The following ZNF561 variants were observed in gnomAD, a reference collection of about 807,000 sequenced individuals.
ZNF561 encodes zinc finger protein 561.
ZNF561 carries 16 observed loss-of-function variants against 16.7 expected under a neutral mutation model. The ratio of observed to expected loss-of-function variants is 0.96; its 90% confidence interval spans 0.65 to 1.45. The LOEUF (loss-of-function observed/expected upper bound fraction) is 1.45. Ranked by LOEUF, ZNF561 falls within the 40% of genes most tolerant of loss-of-function variation. The pLI is 0.00. For missense variants in ZNF561, 580 were observed against 578.0 expected, an observed-to-expected ratio of 1.00 and a Z score of -0.04; for synonymous variants, 190 against 192.1, an observed-to-expected ratio of 0.99 and a Z score of 0.09.
Position 9,621,179 on chromosome 19 carries a change from C to A in ZNF561, c.-144G>T, listed in dbSNP as rs557695189. ...GAACTCACCACAGCCTGGGCAGACT[C>A]CACCACCATAAAGGCGAAACCGCAC... is the stretch of plus-strand genomic sequence containing the variant. On this transcript the variant is annotated 5_prime_UTR_variant, in exon 1 of 6. The change creates a premature stop within an existing upstream ORF in the 5' untranslated region. Coordinates refer to ENST00000302851, the MANE Select transcript of ZNF561 (RefSeq NM_152289.3). The A allele has an allele frequency of 1.3e-5, 2 of 155,042 alleles. No individual in the cohort carries two copies. The highest frequency in any genetic ancestry group is 3.8e-4 in the East Asian group (2 of 5,196). 9.6% of individuals were successfully genotyped at this position (155,042 alleles called of 1,614,324 possible).
In ZNF561 at chr19:9,607,729, T is replaced by A. The variant is rs555721166; in HGVS notation, c.*2471A>T. The stretch of plus-strand genomic sequence containing the variant: ...TAACCTAACGACTAAAGTGGAAAAG[T>A]AAGAGTCATTATTTACAGATTATGT... On this transcript the variant is annotated 3_prime_UTR_variant, in exon 6 of 6. Transcript: ENST00000302851. 1.3e-5 allele frequency: 2 copies of A among 152,222 alleles called. No homozygotes were observed. Among genetic ancestry groups the A allele is most frequent in the East Asian group, 1.9e-4 (1 of 5,182 alleles). 9.4% of individuals were successfully genotyped at this position (152,222 alleles called of 1,614,324 possible). A position where few individuals can be genotyped will look rare whatever the true frequency, so the allele number is the denominator to read the frequency against.
intron 2 of ZNF561, chr19:9,619,052 C>G (rs1326691525): frequency 6.5e-6 from 1 of 154,212 alleles, no homozygotes; most frequent in South Asian, 2.0e-4. Context: ...GCACTCCAGC[C>G]TGGGAGACAG....
intron 3 of ZNF561, 103 bp downstream of exon 3, chr19:9,617,988 T>G: frequency 9.0e-7 from 1 of 1,115,262 alleles, no homozygotes; most frequent in South Asian, 1.4e-5. Flanking sequence ...TAAGGCTTCA[T>G]TTGCTCTAAG....
chr19:9,619,478 T>C lies in ZNF561; in HGVS notation c.-22A>G. On this transcript the variant is annotated 5_prime_UTR_variant, in exon 2 of 6. Coordinates refer to ENST00000302851, the MANE Select transcript of ZNF561 (RefSeq NM_152289.3). ...CCATTCTCTGAAGCTGATGGTGTGA[T>C]GATGTGCATCCCTTCCTTGATGCCA... 1 of 1,612,764 alleles carries C rather than the reference T, an allele frequency of 6.2e-7. No individual in the cohort carries two copies. Among genetic ancestry groups the C allele is most frequent in the Non-Finnish European group, 8.5e-7 (1 of 1,179,146 alleles).
intron 4 of ZNF561, among the ~76,000 whole-genome samples, chr19:9,615,751 CAA>C (rs1192652868): frequency 5.2e-4 from 44 of 85,334 alleles, no homozygotes; most frequent in East Asian, 1.2e-3. Context: ...ACTAAAAATA[CAA>C]AAAAAAAAAA....
chr19:9,619,239 G>A (rs886088334), intron 2 of ZNF561, 193 bp downstream of exon 2: 17 of 316,190 alleles, frequency 5.4e-5, no homozygotes, highest in East Asian at 1.7e-4. Context: ...CCTGGGTGAC[G>A]GAACAAGATT....
At chr19:9,616,527 C>A (rs1027070917) in intron 4 of ZNF561, among the ~76,000 whole-genome samples, 4 of 151,878 alleles carry the variant, frequency 2.6e-5, no homozygotes, top group African/African-American at 9.7e-5. Flanking sequence ...GTGATCTGCC[C>A]GCCTCGGCCT....
intron 5 of ZNF561, among the ~76,000 whole-genome samples, chr19:9,611,697 G>A (rs536860761): frequency 5.9e-5 from 9 of 151,988 alleles, no homozygotes; most frequent in South Asian, 2.1e-4. Flanking sequence ...TGCCTGCCTC[G>A]GCCTCCCAAA....
intron 5 of ZNF561, among the ~76,000 whole-genome samples, chr19:9,613,408 A>G (rs2144882282): frequency 6.6e-6 from 1 of 152,022 alleles, no homozygotes; most frequent in East Asian, 1.9e-4. Context: ...CTAACTTTGT[A>G]TTTTTAGTAG....
chr19:9,612,216 C>G (rs1018741911), intron 5 of ZNF561, among the ~76,000 whole-genome samples: 3 of 151,976 alleles, frequency 2.0e-5, no homozygotes, highest in African/African-American at 7.3e-5. Context: ...GGGTGAGCCA[C>G]CATGCCCCAC....
intron 4 of ZNF561, among the ~76,000 whole-genome samples, chr19:9,616,186 G>A (rs1056601899): frequency 1.3e-5 from 2 of 152,216 alleles, no homozygotes; most frequent in Non-Finnish European, 2.9e-5. Context: ...GACTGTCTCT[G>A]TTATTCCCCA....
chr19:9,618,269 A>T (rs2074595418), intron 2 of ZNF561, 90 bp from the exon 3 acceptor site: 2 of 1,254,584 alleles, frequency 1.6e-6, no homozygotes, highest in East Asian at 5.2e-5. Context: ...CTAGCTTGAA[A>T]TTCCGATATG....
chr19:9,621,067 G>A (rs1331103980), intron 1 of ZNF561, 95 bp downstream of exon 1: 5 of 152,558 alleles, frequency 3.3e-5, no homozygotes, highest in African/African-American at 7.2e-5. Flanking sequence ...AGCGAGTGAA[G>A]TGAAGCGGAT....
rs1365821452 is a variant in ZNF561, at chr19:9,609,951, G to C, written c.*249C>G. The C allele has an allele frequency of 1.1e-5, 4 of 377,720 alleles. No homozygotes were observed. The highest frequency in any genetic ancestry group is 8.1e-5 in the Admixed American group (2 of 24,810). 23.4% of individuals were successfully genotyped at this position (377,720 alleles called of 1,614,324 possible). ...CTCATACACAACTTGTTAATGCTAT[G>C]ATCTTAGGAATCTAATCACCAAGGT... On this transcript the variant is annotated 3_prime_UTR_variant, in exon 6 of 6. Coordinates refer to ENST00000302851, the MANE Select transcript of ZNF561 (RefSeq NM_152289.3).
In ZNF561 at chr19:9,610,239, C is replaced by T. The variant is rs2074420555; in HGVS notation, c.1422G>A (p.Glu474=). 6.2e-7 allele frequency: 1 copy of T among 1,610,552 alleles called. No individual in the cohort carries two copies. Among genetic ancestry groups the T allele is most frequent in the Admixed American group, 1.7e-5 (1 of 59,494 alleles). The change falls in exon 6 of 6, where the codon GAG becomes GAA. Residue 474 remains glutamate, a synonymous_variant. Transcript: ENST00000302851. ...TCATATCCTTGCATTCATAGGGTTT[C>T]TCCCCAGTGTGAATTCTTTCATGTC... ...LSRHERIHTG[E]KPYECKDMSV... is the part of the protein sequence containing the mutation.
intron 5 of ZNF561, among the ~76,000 whole-genome samples, chr19:9,611,760 A>G (rs1283542268): frequency 6.6e-6 from 1 of 151,662 alleles, no homozygotes; most frequent in African/African-American, 2.4e-5. Flanking sequence ...CACTTTTTTC[A>G]GAGTTGGGGT....
intron 3 of ZNF561, chr19:9,617,596 T>G (rs2074579443): frequency 4.5e-6 from 2 of 449,274 alleles, no homozygotes; most frequent in African/African-American, 4.0e-5. Context: ...AGCTTCGATC[T>G]CCTGGGCTGA....
chr19:9,618,068 A>C (rs1034574223), intron 3 of ZNF561, 23 bp downstream of exon 3: 2 of 1,543,044 alleles, frequency 1.3e-6, no homozygotes, highest in African/African-American at 2.7e-5. Flanking sequence ...ATCATTTTTA[A>C]CAACAGTACG....
intron 3 of ZNF561, chr19:9,617,495 C>T: frequency 3.6e-6 from 1 of 280,962 alleles, no homozygotes; most frequent in Non-Finnish European, 6.2e-6. Context: ...GATGAATTTT[C>T]CTCTATCTAT....
Sources: allele counts gnomAD v4.1 joint callset (sites outside exome capture counted in the v4.1 genomes callset), GRCh38; gene constraint gnomAD v4.1.1; transcripts MANE v1.5; gene names NCBI Gene and HGNC (gene_info 2026-07-23, HGNC 2026-07-21).